Variants in SLC44A5 observed in about 807,000 individuals in gnomAD.
The protein encoded by SLC44A5 is solute carrier family 44 member 5, also known as choline transporter-like protein 5.
In SLC44A5, 57 loss-of-function variants were observed where a neutral mutation model predicts 101.8. The ratio of observed to expected loss-of-function variants is 0.56; its 90% CI spans 0.45 to 0.70. The LOEUF is 0.70. Ranked by LOEUF, SLC44A5 falls within the 30% of genes least tolerant of loss-of-function variation. The pLI, the probability that SLC44A5 is intolerant of heterozygous loss-of-function variation, is 0.00. For synonymous variants in SLC44A5, 281 were observed against 290.9 expected (o/e 0.97, Z 0.35); for missense variants, 737 against 853.1 (o/e 0.86, Z 1.70).
At chr1:75,529,712 C>G (rs1367663962) in intron 2 of SLC44A5, among the ~76,000 whole-genome samples, 1 of 152,132 alleles carries the variant, frequency 6.6e-6, no homozygotes, top group African/African-American at 2.4e-5. Flanking sequence ...GAGTCCTCAT[C>G]TTAGAAATAG....
At chr1:75,689,224 C>T in the SLC44A5 span, among the ~76,000 whole-genome samples, 2 of 152,148 alleles carry the variant, frequency 1.3e-5, no homozygotes, top group African/African-American at 2.4e-5. Flanking sequence ...ACGGGGATGA[C>T]ATCCTTGTAT....
the SLC44A5 span, among the ~76,000 whole-genome samples, chr1:75,678,822 G>A: frequency 2.0e-5 from 3 of 152,070 alleles, no homozygotes; most frequent in African/African-American, 4.8e-5. Flanking sequence ...CTGAGCTATG[G>A]GAGGACATTC....
chr1:75,370,788 G>A lies in SLC44A5; in HGVS notation c.52+25795C>T, dbSNP rs561683651. 1.7e-3 allele frequency among the ~76,000 whole-genome samples: 263 copies of A among 152,314 alleles called. 1 individual carries two copies. The highest frequency in any genetic ancestry group is 5.8e-3 in the African/African-American group (243 of 41,564). On this transcript the variant is annotated intron_variant, in intron 3 of 23. Coordinates refer to ENST00000370859, the MANE Select transcript of SLC44A5 (RefSeq NM_001130058.2). ...TGAGAAGAGTCAGGGGTGTCAGAGAGATGGAGAAAATCAGCAACAGGAGAA... is the reference window on the plus strand; with the variant it reads ...TGAGAAGAGTCAGGGGTGTCAGAGAAATGGAGAAAATCAGCAACAGGAGAA...
the SLC44A5 span, among the ~76,000 whole-genome samples, chr1:75,678,011 A>T: frequency 1.3e-5 from 2 of 152,356 alleles, no homozygotes; most frequent in Admixed American, 6.5e-5. Flanking sequence ...GGACGGCACC[A>T]GGAAAATTGG....
intron 1 of SLC44A5, among the ~76,000 whole-genome samples, chr1:75,583,692 T>C (rs1318475541): frequency 6.6e-6 from 1 of 152,210 alleles, no homozygotes; most frequent in Non-Finnish European, 1.5e-5. Flanking sequence ...TCTGCTCAGC[T>C]AGATGCAAAG....
intron 3 of SLC44A5, among the ~76,000 whole-genome samples, chr1:75,363,463 T>A (rs1439743253): frequency 6.6e-6 from 1 of 152,048 alleles, no homozygotes; most frequent in Non-Finnish European, 1.5e-5. Context: ...TTTAGGTTTT[T>A]AATTTGTGGT....
chr1:75,253,540 A>C (rs916005736), intron 6 of SLC44A5, among the ~76,000 whole-genome samples: 2 of 152,190 alleles, frequency 1.3e-5, no homozygotes, highest in African/African-American at 4.8e-5. Flanking sequence ...CTACTTTGAG[A>C]TCTACAAGTG....
the SLC44A5 span, among the ~76,000 whole-genome samples, chr1:75,644,976 A>G: frequency 1.3e-5 from 2 of 152,174 alleles, no homozygotes. Flanking sequence ...TAATGGCTGC[A>G]TAGTATTCTA....
At chr1:75,690,912 G>C in the SLC44A5 span, among the ~76,000 whole-genome samples, 1 of 152,048 alleles carries the variant, frequency 6.6e-6, no homozygotes, top group Non-Finnish European at 1.5e-5. Flanking sequence ...CAGATCACTT[G>C]AGATCAGGAG....
chr1:75,288,596 T>C (rs1169718934), intron 5 of SLC44A5, among the ~76,000 whole-genome samples: 1 of 152,228 alleles, frequency 6.6e-6, no homozygotes, highest in Non-Finnish European at 1.5e-5. Context: ...TGATACTGAT[T>C]GGCAGTGCAG....
chr1:75,616,295 C>A, the SLC44A5 span, among the ~76,000 whole-genome samples: 6 of 152,176 alleles, frequency 3.9e-5, no homozygotes, highest in African/African-American at 1.4e-4. Context: ...CCCATCCAAC[C>A]GGCTACCGCG....
At chr1:75,548,805 G>T (rs1473158556) in intron 1 of SLC44A5, among the ~76,000 whole-genome samples, 1 of 152,120 alleles carries the variant, frequency 6.6e-6, no homozygotes, top group Non-Finnish European at 1.5e-5. Context: ...TGAAGAAATT[G>T]ATACAAAGAG....
intron 2 of SLC44A5, among the ~76,000 whole-genome samples, chr1:75,461,939 C>A (rs1666523160): frequency 6.6e-6 from 1 of 152,218 alleles, no homozygotes; most frequent in Admixed American, 6.5e-5. Context: ...ACCTATGGAC[C>A]CTCCTGGGTC....
intron 3 of SLC44A5, among the ~76,000 whole-genome samples, chr1:75,357,681 G>A (rs998317455): frequency 1.3e-5 from 2 of 152,194 alleles, no homozygotes; most frequent in South Asian, 2.1e-4. Context: ...CCCAGTGGGT[G>A]GAGGAAGGAA....
the SLC44A5 span, among the ~76,000 whole-genome samples, chr1:75,669,708 A>G: frequency 6.6e-6 from 1 of 152,090 alleles, no homozygotes; most frequent in Non-Finnish European, 1.5e-5. Flanking sequence ...ACAAACACAC[A>G]TGCACGCACA....
the SLC44A5 span, among the ~76,000 whole-genome samples, chr1:75,663,500 C>T: frequency 6.6e-6 from 1 of 152,126 alleles, no homozygotes; most frequent in Non-Finnish European, 1.5e-5. Flanking sequence ...GACACCATTT[C>T]AAGAAAGGAT....
chr1:75,616,113 C>G (rs1437122347), upstream of SLC44A5, among the ~76,000 whole-genome samples: 1 of 151,922 alleles, frequency 6.6e-6, no homozygotes, highest in Non-Finnish European at 1.5e-5. Context: ...CCCCCTCTTG[C>G]GCTGCTGTGG....
At chr1:75,567,164 GC>G (rs1672828352) in intron 1 of SLC44A5, among the ~76,000 whole-genome samples, 1 of 141,714 alleles carries the variant, frequency 7.1e-6, no homozygotes, top group South Asian at 2.1e-4. Context: ...TACTGCTTCT[GC>G]AGGTGTTTGG....
At chr1:75,301,630 T>C (rs1165106534) in intron 4 of SLC44A5, among the ~76,000 whole-genome samples, 1 of 152,222 alleles carries the variant, frequency 6.6e-6, no homozygotes, top group East Asian at 1.9e-4. Context: ...CACTTATTTT[T>C]TGAAGTGGTA....
Sources: gnomAD v4.1 joint callset for allele counts (sites outside exome capture counted in the v4.1 genomes callset) on GRCh38, gnomAD v4.1.1 for gene constraint, MANE v1.5 for transcripts, NCBI Gene and HGNC (gene_info 2026-07-23, HGNC 2026-07-21) for gene names.